Variants in RCAN2 observed in about 807,000 individuals in gnomAD.
The protein encoded by RCAN2 is regulator of calcineurin 2, also known as calcipressin-2.
A neutral mutation model predicts 23.6 loss-of-function variants in RCAN2; 9 were observed. The ratio of observed to expected loss-of-function variants is 0.38; its 90% CI spans 0.23 to 0.67. RCAN2 has a LOEUF of 0.67. Among genes scored for constraint, RCAN2 ranks in the 30% least tolerant of loss-of-function variants. RCAN2 has a pLI of 0.51. For synonymous variants in RCAN2, 109 were observed against 115.7 expected (o/e 0.94, Z 0.37); for missense variants, 273 against 302.3 (o/e 0.90, Z 0.72).
At chr6:46,330,465 C>T (rs73452286) in intron 2 of RCAN2, among the ~76,000 whole-genome samples, 4,583 of 152,218 alleles carry the variant, frequency 0.03, 209 homozygotes, top group African/African-American at 0.1. Context: ...AGTATATATC[C>T]CTAAAAGACA....
At chr6:46,455,410 T>C (rs1354827679) in intron 2 of RCAN2, among the ~76,000 whole-genome samples, 1 of 152,140 alleles carries the variant, frequency 6.6e-6, no homozygotes, top group South Asian at 2.1e-4. Context: ...ATCAGGATTG[T>C]CTACAAAATC....
intron 2 of RCAN2, among the ~76,000 whole-genome samples, chr6:46,453,320 A>G (rs962602289): frequency 1.2e-4 from 18 of 152,176 alleles, no homozygotes; most frequent in Non-Finnish European, 4.4e-5. Flanking sequence ...TCAGATGCCA[A>G]TTTCCTCCAG....
intron 1 of RCAN2, chr6:46,468,759 T>C (rs1768466019): frequency 1.0e-6 from 1 of 959,730 alleles, no homozygotes; most frequent in African/African-American, 1.8e-5. Flanking sequence ...CTCTCCCCAC[T>C]CTTTCTCTCT....
chr6:46,430,535 G>A (rs148588014), intron 2 of RCAN2, among the ~76,000 whole-genome samples: 98 of 152,204 alleles, frequency 6.4e-4, no homozygotes, highest in African/African-American at 2.3e-3. Flanking sequence ...TGCTTAGGAG[G>A]AGAATGAAGA....
chr6:46,299,646 G>C (rs907000411), intron 2 of RCAN2, among the ~76,000 whole-genome samples: 1 of 151,944 alleles, frequency 6.6e-6, no homozygotes, highest in Non-Finnish European at 1.5e-5. Context: ...AATAAAAGTA[G>C]TATTACCACT....
chr6:46,238,168 A>C, intron 4 of RCAN2, among the ~76,000 whole-genome samples: 1 of 152,132 alleles, frequency 6.6e-6, no homozygotes, highest in East Asian at 1.9e-4. Context: ...GAAGGAAAAA[A>C]AGTGTGTGTG....
chr6:46,425,819 T>C (rs1401691043), intron 2 of RCAN2, among the ~76,000 whole-genome samples: 3 of 152,082 alleles, frequency 2.0e-5, no homozygotes, highest in Non-Finnish European at 1.5e-5. Context: ...ATACATTAAA[T>C]ATTTCTCAGT....
At chr6:46,456,278 C>A (rs1490795956) in intron 2 of RCAN2, among the ~76,000 whole-genome samples, 1 of 152,202 alleles carries the variant, frequency 6.6e-6, no homozygotes, top group African/African-American at 2.4e-5. Context: ...AACTTACCTT[C>A]TCTAATATCT....
intron 2 of RCAN2, among the ~76,000 whole-genome samples, chr6:46,341,649 A>T (rs9349356): frequency 0.42 from 63,863 of 151,626 alleles, 14,858 homozygotes; most frequent in East Asian, 0.6. Context: ...AATACAAAAA[A>T]TAGCCAGGCA....
At chr6:46,309,646 T>C (rs1415617011) in intron 2 of RCAN2, among the ~76,000 whole-genome samples, 13 of 152,156 alleles carry the variant, frequency 8.5e-5, no homozygotes, top group Non-Finnish European at 1.8e-4. Context: ...TTCTCACTAC[T>C]CCCTGTGTAT....
chr6:46,276,915 C>T (rs189597028), intron 2 of RCAN2, among the ~76,000 whole-genome samples: 2 of 152,338 alleles, frequency 1.3e-5, no homozygotes, highest in Non-Finnish European at 2.9e-5. Flanking sequence ...AGCCTCCAAA[C>T]AGATGCCTGG....
chr6:46,280,171 T>C (rs1767855507), intron 2 of RCAN2, among the ~76,000 whole-genome samples: 1 of 152,188 alleles, frequency 6.6e-6, no homozygotes, highest in South Asian at 2.1e-4. Flanking sequence ...AAGTTAGCTC[T>C]GAGCAGTGCC....
intron 4 of RCAN2, among the ~76,000 whole-genome samples, chr6:46,229,305 G>A (rs1765790618): frequency 6.6e-6 from 1 of 152,080 alleles, no homozygotes; most frequent in Non-Finnish European, 1.5e-5. Flanking sequence ...TCCTGAATTT[G>A]AATGTTGGCC....
At chr6:46,291,294 T>TTC (rs1554130730) in intron 2 of RCAN2, among the ~76,000 whole-genome samples, 2 of 151,064 alleles carry the variant, frequency 1.3e-5, no homozygotes, top group African/African-American at 4.9e-5. Flanking sequence ...TTTTTTTTTT[T>TTC]CCACTGGTGT....
intron 2 of RCAN2, among the ~76,000 whole-genome samples, chr6:46,259,831 AG>A (rs1324959666): frequency 6.6e-6 from 1 of 152,222 alleles, no homozygotes; most frequent in Non-Finnish European, 1.5e-5. Context: ...TACGGAACTT[AG>A]GGAAGCACTT....
At chr6:46,230,053 T>C (rs1765823148) in intron 4 of RCAN2, among the ~76,000 whole-genome samples, 1 of 152,226 alleles carries the variant, frequency 6.6e-6, no homozygotes, top group Admixed American at 6.5e-5. Context: ...CTCCAGACCC[T>C]GTTTGCCTGG....
At chr6:46,299,993 A>G (rs1762853431) in intron 2 of RCAN2, among the ~76,000 whole-genome samples, 1 of 151,946 alleles carries the variant, frequency 6.6e-6, no homozygotes, top group South Asian at 2.1e-4. Context: ...TAAAGTAATT[A>G]TTAAAAGTAT....
intron 2 of RCAN2, among the ~76,000 whole-genome samples, chr6:46,428,776 C>A (rs1767106065): frequency 6.6e-6 from 1 of 152,168 alleles, no homozygotes; most frequent in African/African-American, 2.4e-5. Context: ...CTCATGGAGG[C>A]AATTTAGCTG....
At chr6:46,328,757 C>T (rs750082314) in intron 2 of RCAN2, among the ~76,000 whole-genome samples, 14 of 152,300 alleles carry the variant, frequency 9.2e-5, no homozygotes, top group South Asian at 4.1e-4. Context: ...ACTACAGGCA[C>T]GGGCCACCAC....
Sources: allele counts gnomAD v4.1 joint callset (sites outside exome capture counted in the v4.1 genomes callset), GRCh38; gene constraint gnomAD v4.1.1; transcripts MANE v1.5; gene names NCBI Gene and HGNC (gene_info 2026-07-23, HGNC 2026-07-21).